BFAR: variants seen among roughly 807,000 people sequenced by gnomAD.
BFAR encodes RING finger protein 47.
In BFAR, 52 loss-of-function variants were observed where a neutral mutation model predicts 54.4. The observed-to-expected ratio is 0.96, with a 90% CI of 0.77 to 1.21. BFAR has a LOEUF of 1.21. Ranked by LOEUF, BFAR falls within the 50% of genes most tolerant of loss-of-function variation. BFAR has a pLI of 0.00. For missense variants in BFAR, 571 were observed against 534.0 expected (o/e 1.07, Z -0.68); for synonymous variants, 215 against 204.3 (o/e 1.05, Z -0.45).
chr16:14,644,556 T>C lies in BFAR; in HGVS notation c.210T>C (p.Cys70=). ...GGGCATCTTCAAAGAAAACAGAATG[T>C]CCAGAATGCAGAGAAAAATGGGAAG... ...LWWASSKKTE[C]PECREKWEGF... is the part of the protein sequence containing the mutation. The change falls in exon 2 of 8, where the codon TGT becomes TGC. Residue 70 remains cysteine, a synonymous_variant. Transcript: ENST00000261658. The C allele has an allele frequency of 6.2e-7, 1 of 1,613,994 alleles. No homozygotes were observed. Among genetic ancestry groups the C allele is most frequent in the Non-Finnish European group, 8.5e-7 (1 of 1,180,000 alleles).
chr16:14,645,006 C>T (rs765977048), intron 2 of BFAR, among the ~76,000 whole-genome samples: 1 of 152,096 alleles, frequency 6.6e-6, no homozygotes, highest in Non-Finnish European at 1.5e-5. Context: ...GGTTAGCAGA[C>T]CGTTGCTGGT....
chr16:14,662,927 A>G (rs950119868), intron 6 of BFAR, among the ~76,000 whole-genome samples: 2 of 152,116 alleles, frequency 1.3e-5, no homozygotes, highest in South Asian at 2.1e-4. Context: ...GGGAGTCCAC[A>G]TGAGAGGGTC....
rs192961615 is a variant in BFAR, at chr16:14,651,867, C to T, written c.638+1894C>T. On this transcript the variant is annotated intron_variant, in intron 4 of 7. Transcript: ENST00000261658. ...AGGAGGTCAGATGCCTGTACTGAGG[C>T]CTGACATGCCCAATTTTTTTTTTTT... Among the ~76,000 whole-genome samples the T allele has an allele frequency of 1.3e-3, 188 of 148,704 alleles. 2 individuals carry two copies. The highest frequency in any genetic ancestry group is 0.011 in the Admixed American group (154 of 14,492).
chr16:14,638,949 G>GAA, intron 1 of BFAR, among the ~76,000 whole-genome samples: 1 of 113,950 alleles, frequency 8.8e-6, no homozygotes, highest in African/African-American at 3.3e-5. Flanking sequence ...GTCTCAAAAA[G>GAA]AAAAAAAAAA....
intron 4 of BFAR, among the ~76,000 whole-genome samples, chr16:14,652,519 G>A (rs1239998413): frequency 6.6e-6 from 1 of 151,754 alleles, no homozygotes; most frequent in African/African-American, 2.4e-5. Context: ...GACCTCTGGT[G>A]ATCCACCCAC....
chr16:14,651,667 A>G (rs1826620737), intron 4 of BFAR, among the ~76,000 whole-genome samples: 1 of 151,790 alleles, frequency 6.6e-6, no homozygotes, highest in African/African-American at 2.4e-5. Flanking sequence ...TTTAATAGAG[A>G]CAGGGTTTTG....
At chr16:14,633,799 C>G (rs1959344333) in intron 1 of BFAR, among the ~76,000 whole-genome samples, 1 of 152,056 alleles carries the variant, frequency 6.6e-6, no homozygotes, top group South Asian at 2.1e-4. Context: ...ATTACGGGCC[C>G]GCGTAACCAC....
chr16:14,641,372 T>A (rs1959621524), intron 1 of BFAR, among the ~76,000 whole-genome samples: 1 of 152,144 alleles, frequency 6.6e-6, no homozygotes, highest in Non-Finnish European at 1.5e-5. Flanking sequence ...AGAACAACTG[T>A]AAACATCCTT....
chr16:14,648,395 A>T lies in BFAR; in HGVS notation c.271A>T (p.Ile91Phe). ...PKVSILLRDA[I>F]EKLFPDAIRL... ...TTTTTCTATTCTCCATAGGGATGCC[A>T]TTGAAAAGTTATTTCCTGATGCCAT... Residue 91 changes from isoleucine (I) to phenylalanine (F), a missense_variant, in exon 3 of 8, where the codon ATT (isoleucine) becomes TTT (phenylalanine). Coordinates refer to ENST00000261658, the MANE Select transcript of BFAR (RefSeq NM_016561.3). 6.2e-7 allele frequency: 1 copy of T among 1,611,510 alleles called. No individual in the cohort carries two copies. Among genetic ancestry groups the T allele is most frequent in the South Asian group, 1.1e-5 (1 of 91,026 alleles).
chr16:14,650,108 G>A (rs1959926867), intron 4 of BFAR, 135 bp downstream of exon 4: 1 of 846,574 alleles, frequency 1.2e-6, no homozygotes, highest in Non-Finnish European at 1.7e-6. Flanking sequence ...GATCATTTGA[G>A]GTCAGGAGTT....
At position 14,655,135 on chromosome 16, in the gene BFAR, G is replaced by A. The variant is rs1167188699; in HGVS notation, c.708G>A (p.Arg236=). 1.9e-6 allele frequency: 3 copies of A among 1,612,176 alleles called. No homozygotes were observed. The highest frequency in any genetic ancestry group is 2.5e-6 in the Non-Finnish European group (3 of 1,179,376). ...TPYTIENSSH[R]RAILMELERV... ...ATACCATAGAAAACAGCAGCCACAG[G>A]AGAGCCATCCTCATGGAGCTAGAAC... The change falls in exon 5 of 8, where the codon AGG becomes AGA. Residue 236 remains arginine, a synonymous_variant. Transcript: ENST00000261658.
At position 14,644,446 on chromosome 16, in the gene BFAR, T is replaced by C; in HGVS notation, c.100T>C (p.Cys34Arg). ...TCAGATTTCTGTTAGTGAATTTTCT[T>C]GCCACTGCTGCTACGACATCCTGGT... is the stretch of plus-strand genomic sequence containing the variant. ...GPQISVSEFSCHCCYDILVNP... is the reference protein window; with the variant it reads ...GPQISVSEFSRHCCYDILVNP... Residue 34 changes from cysteine to arginine, a missense_variant, in exon 2 of 8, where the codon TGC (cysteine) becomes CGC (arginine). By Grantham distance (180) the Cys-to-Arg change is radical. Transcript: ENST00000261658. 1 of 1,614,066 alleles carries C rather than the reference T, an allele frequency of 6.2e-7. No individual in the cohort carries two copies. Among genetic ancestry groups the C allele is most frequent in the Non-Finnish European group, 8.5e-7 (1 of 1,179,990 alleles).
At chr16:14,658,732 GAA>G (rs879331414) in intron 5 of BFAR, among the ~76,000 whole-genome samples, 2 of 134,924 alleles carry the variant, frequency 1.5e-5, no homozygotes, top group African/African-American at 2.7e-5. Context: ...GACTCCATCT[GAA>G]AAAAAAAAAA....
At position 14,661,888 on chromosome 16, in the gene BFAR, G is replaced by A. The variant is rs758002236; in HGVS notation, c.784-4G>A. 1.2e-6 allele frequency: 2 copies of A among 1,614,020 alleles called. No homozygotes were observed. Among genetic ancestry groups the A allele is most frequent in the East Asian group, 4.5e-5 (2 of 44,866 alleles). On this transcript the variant is annotated splice_region_variant and splice_polypyrimidine_tract_variant and intron_variant, in intron 5 of 7. Coordinates refer to ENST00000261658, the MANE Select transcript of BFAR (RefSeq NM_016561.3). Reference sequence around the variant, plus strand: ...ATGTGGCCCTGTACTCTTCTCCTCTGCAGGCTGTGAACCCAGGCAGGTCCC... The same window carrying A: ...ATGTGGCCCTGTACTCTTCTCCTCTACAGGCTGTGAACCCAGGCAGGTCCC...
chr16:14,668,009 G>C lies in BFAR; in HGVS notation c.*182G>C. 1 of 628,172 alleles carries C rather than the reference G, an allele frequency of 1.6e-6. No individual in the cohort carries two copies. The highest frequency in any genetic ancestry group is 4.3e-4 in the Middle Eastern group (1 of 2,300). The allele number at this position is 628,172 out of a possible 1,614,324, so 38.9% of individuals were successfully genotyped here. A position where few individuals can be genotyped will look rare whatever the true frequency, so the allele number is the denominator to read the frequency against. ...TCAGCCTGTGGGTGGCACGAGCAAG[G>C]ACTGACATCCGCACAGGGAGGATTG... On this transcript the variant is annotated 3_prime_UTR_variant, in exon 8 of 8. Coordinates refer to ENST00000261658, the MANE Select transcript of BFAR (RefSeq NM_016561.3).
intron 5 of BFAR, among the ~76,000 whole-genome samples, chr16:14,657,255 G>T (rs992320442): frequency 4.0e-5 from 6 of 151,560 alleles, no homozygotes; most frequent in African/African-American, 1.5e-4. Flanking sequence ...GTTTTGTTTT[G>T]TTTTGTTTTT....
chr16:14,648,626 C>A (rs766792838), intron 3 of BFAR, 34 bp downstream of exon 3: 113 of 1,283,892 alleles, frequency 8.8e-5, no homozygotes, highest in Non-Finnish European at 1.1e-4. Context: ...TGTGCCCCCC[C>A]ACACCTCACC....
intron 4 of BFAR, among the ~76,000 whole-genome samples, chr16:14,652,211 T>C (rs1959989476): frequency 6.6e-6 from 1 of 151,470 alleles, no homozygotes; most frequent in Non-Finnish European, 1.5e-5. Flanking sequence ...CAGATTGGAA[T>C]AAGGGATACA....
chr16:14,662,538 G>T (rs569308894), intron 6 of BFAR, among the ~76,000 whole-genome samples: 1 of 152,220 alleles, frequency 6.6e-6, no homozygotes, highest in East Asian at 1.9e-4. Context: ...TTGATTGTTT[G>T]AGATTGGGTC....
Sources: gnomAD v4.1 joint callset for allele counts (sites outside exome capture counted in the v4.1 genomes callset) on GRCh38, gnomAD v4.1.1 for gene constraint, MANE v1.5 for transcripts, NCBI Gene and HGNC (gene_info 2026-07-23, HGNC 2026-07-21) for gene names.